DSCAM: variants seen among roughly 807,000 people sequenced by gnomAD.
The protein encoded by DSCAM is DS cell adhesion molecule, also known as cell adhesion molecule DSCAM.
A neutral mutation model predicts 217.7 loss-of-function variants in DSCAM; 47 were observed. The observed-to-expected ratio is 0.22, with a 90% CI of 0.17 to 0.28. The LOEUF is 0.28. Ranked by LOEUF, DSCAM falls within the 10% of genes least tolerant of loss-of-function variation. The pLI is 1.00. For missense variants in DSCAM, 2,080 were observed against 2,618.3 expected (o/e 0.79, Z 4.49); for synonymous variants, 1,056 against 1,015.3 (o/e 1.04, Z -0.76).
chr21:40,045,310 C>T (rs756496235), intron 30 of DSCAM, among the ~76,000 whole-genome samples: 4 of 152,204 alleles, frequency 2.6e-5, no homozygotes, highest in African/African-American at 7.2e-5. Context: ...CCCAACTCTC[C>T]TTAAGGCCTT....
intron 1 of DSCAM, among the ~76,000 whole-genome samples, chr21:40,777,332 G>T (rs901813775): frequency 1.3e-5 from 2 of 152,162 alleles, no homozygotes; most frequent in African/African-American, 4.8e-5. Context: ...GGTGGGAGCC[G>T]AAAACCTTCA....
chr21:40,044,745 A>G (rs1419321058), intron 30 of DSCAM, among the ~76,000 whole-genome samples: 1 of 152,216 alleles, frequency 6.6e-6, no homozygotes. Flanking sequence ...AATGGATGAT[A>G]GTACAAAAAA....
chr21:40,266,670 T>TATATATATATATATATATATATATATAA (rs201198571), intron 11 of DSCAM, among the ~76,000 whole-genome samples: 4 of 120,692 alleles, frequency 3.3e-5, no homozygotes, highest in African/African-American at 1.6e-4. Context: ...TATATATATA[T>TATATATATATATATATATATATATATAA]AATCTTGAAA....
At chr21:40,128,249 T>A (rs1241271585) in intron 19 of DSCAM, among the ~76,000 whole-genome samples, 1 of 149,104 alleles carries the variant, frequency 6.7e-6, no homozygotes, top group Admixed American at 6.8e-5. Flanking sequence ...CAATACAGAT[T>A]TTCCAAGAGT....
chr21:40,758,804 A>G (rs1221540946), intron 1 of DSCAM, among the ~76,000 whole-genome samples: 2 of 152,108 alleles, frequency 1.3e-5, no homozygotes, highest in African/African-American at 4.8e-5. Context: ...TCTTCCTCCC[A>G]GTCATGACAC....
chr21:40,440,108 A>G (rs1354415405), intron 3 of DSCAM, among the ~76,000 whole-genome samples: 1 of 152,250 alleles, frequency 6.6e-6, no homozygotes, highest in Non-Finnish European at 1.5e-5. Flanking sequence ...GTATCTGCAC[A>G]TTAATGATGT....
rs1000849533 is a variant in DSCAM, at chr21:40,080,299, C to G, written c.4273G>C (p.Gly1425Arg). 1.2e-5 allele frequency: 20 copies of G among 1,613,260 alleles called. No individual in the cohort carries two copies. Among genetic ancestry groups the G allele is most frequent in the Non-Finnish European group, 1.5e-5 (18 of 1,179,824 alleles). The change falls in exon 25 of 33, where the codon GGG becomes CGG. Residue 1425 changes from glycine (G) to arginine (R), a missense_variant. By Grantham distance (125) the Gly-to-Arg change is moderately radical (BLOSUM62 -2). This residue lies in a region of DSCAM where 1,144 missense variants were observed against 1,421.1 expected (regional missense o/e 0.81). Transcript: ENST00000400454. Reference sequence around the variant, plus strand: ...TCGCTGGGGCTGATTGGAAAACTCCCCCACTGCTCACTATTGTCCTCGGAG... The same window carrying G: ...TCGCTGGGGCTGATTGGAAAACTCCGCCACTGCTCACTATTGTCCTCGGAG... ...QYSEDNSEQW[G>R]SFPISPSERS...
At chr21:40,033,333 C>T (rs1034862357) in intron 32 of DSCAM, among the ~76,000 whole-genome samples, 3 of 152,256 alleles carry the variant, frequency 2.0e-5, no homozygotes, top group South Asian at 2.1e-4. Flanking sequence ...ATGCGCGAGC[C>T]GAAGCAGGGC....
intron 4 of DSCAM, among the ~76,000 whole-genome samples, chr21:40,363,129 C>A (rs147046639): frequency 7.0e-4 from 107 of 152,104 alleles, no homozygotes; most frequent in Non-Finnish European, 1.3e-3. Flanking sequence ...TTAAAAGAAT[C>A]TACAATCTAG....
At chr21:40,584,907 G>A (rs80230887) in intron 3 of DSCAM, among the ~76,000 whole-genome samples, 1 of 152,144 alleles carries the variant, frequency 6.6e-6, no homozygotes, top group African/African-American at 2.4e-5. Context: ...GGTCATAAGC[G>A]TGGATCCTTA....
intron 3 of DSCAM, among the ~76,000 whole-genome samples, chr21:40,600,955 C>A (rs2077057305): frequency 6.6e-6 from 1 of 152,196 alleles, no homozygotes; most frequent in South Asian, 2.1e-4. Flanking sequence ...GTCTTGAAGT[C>A]AGGTAATGTC....
At chr21:40,172,699 G>A (rs2090672476) in intron 15 of DSCAM, among the ~76,000 whole-genome samples, 1 of 152,240 alleles carries the variant, frequency 6.6e-6, no homozygotes, top group Admixed American at 6.5e-5. Context: ...AATCACCCCA[G>A]TGAGAACCAG....
At chr21:40,054,933 C>T (rs939004095) in intron 29 of DSCAM, among the ~76,000 whole-genome samples, 4 of 152,198 alleles carry the variant, frequency 2.6e-5, no homozygotes, top group African/African-American at 9.7e-5. Flanking sequence ...ACACGAAGTG[C>T]TTATAAAAAC....
intron 8 of DSCAM, among the ~76,000 whole-genome samples, chr21:40,321,768 C>T (rs140797201): frequency 6.6e-6 from 1 of 152,294 alleles, no homozygotes; most frequent in African/African-American, 2.4e-5. Flanking sequence ...GCCTGGTCCT[C>T]TCTGTGCAGA....
rs58604405 is a variant in DSCAM, at chr21:40,207,923, A to G, written c.2357-18685T>C. Among the ~76,000 whole-genome samples the G allele has an allele frequency of 9.7e-3, 1,476 of 152,296 alleles. 25 individuals carry two copies. Among genetic ancestry groups the G allele is most frequent in the African/African-American group, 0.033 (1,380 of 41,558 alleles). On this transcript the variant is annotated intron_variant, in intron 11 of 32. Coordinates refer to ENST00000400454, the MANE Select transcript of DSCAM (RefSeq NM_001389.5). ...GCTAACCTCTTCTTAGAAGGACACC[A>G]GTCAGATTAGATGAGAACTACCCTT...
At chr21:40,787,553 A>T (rs1004690564) in intron 1 of DSCAM, among the ~76,000 whole-genome samples, 1 of 152,208 alleles carries the variant, frequency 6.6e-6, no homozygotes, top group Non-Finnish European at 1.5e-5. Context: ...GGTTCATCTT[A>T]GCAGTCATGG....
chr21:40,762,303 A>T (rs2091344073), intron 1 of DSCAM, among the ~76,000 whole-genome samples: 1 of 152,202 alleles, frequency 6.6e-6, no homozygotes, highest in South Asian at 2.1e-4. Context: ...CCACAGAAAT[A>T]CAAACTACCA....
intron 4 of DSCAM, among the ~76,000 whole-genome samples, chr21:40,362,993 T>C (rs1242446505): frequency 6.6e-6 from 1 of 152,202 alleles, no homozygotes; most frequent in Non-Finnish European, 1.5e-5. Context: ...CGCTTTATGT[T>C]GATTCCTATG....
intron 4 of DSCAM, among the ~76,000 whole-genome samples, chr21:40,367,317 T>C (rs1364407703): frequency 6.6e-6 from 1 of 152,190 alleles, no homozygotes; most frequent in Non-Finnish European, 1.5e-5. Context: ...CTGCTGGTCC[T>C]GTTGTTGCCA....
Sources: gnomAD v4.1 joint callset for allele counts (sites outside exome capture counted in the v4.1 genomes callset) on GRCh38, gnomAD v4.1.1 for gene constraint, gnomAD v4.1.1 regional missense constraint, MANE v1.5 for transcripts, NCBI Gene and HGNC (gene_info 2026-07-23, HGNC 2026-07-21) for gene names.